Variants in PDE4B observed in about 807,000 individuals in gnomAD.
PDE4B encodes the protein phosphodiesterase 4B, also known as 3',5'-cyclic-AMP phosphodiesterase 4B.
PDE4B carries 20 observed loss-of-function variants against 82.2 expected under a neutral mutation model. That is an observed-to-expected ratio of 0.24 (90% CI 0.17 to 0.35). The LOEUF is 0.35. PDE4B is among the 10% of genes least tolerant of loss of function. PDE4B has a pLI of 1.00. For missense variants in PDE4B, 655 were observed against 907.2 expected, an observed-to-expected ratio of 0.72 and a Z score of 3.57; for synonymous variants, 320 against 318.9, an observed-to-expected ratio of 1.00 and a Z score of -0.04.
chr1:66,094,809 A>G (rs958371287), intron 3 of PDE4B, among the ~76,000 whole-genome samples: 1 of 151,974 alleles, frequency 6.6e-6, no homozygotes, highest in Non-Finnish European at 1.5e-5. Context: ...ATATTAGCAT[A>G]TTTTGTCCTC....
intron 3 of PDE4B, among the ~76,000 whole-genome samples, chr1:66,173,021 G>A (rs997332687): frequency 2.0e-5 from 3 of 152,162 alleles, no homozygotes; most frequent in African/African-American, 7.2e-5. Context: ...TTATAAATCA[G>A]CATGTTAAAA....
chr1:66,105,545 C>T (rs1039537762), intron 3 of PDE4B, among the ~76,000 whole-genome samples: 3 of 152,132 alleles, frequency 2.0e-5, no homozygotes, highest in Non-Finnish European at 2.9e-5. Flanking sequence ...TAGCCATTTT[C>T]ATGATGCTGA....
chr1:66,018,966 C>T (rs192773790), intron 3 of PDE4B, among the ~76,000 whole-genome samples: 101 of 152,146 alleles, frequency 6.6e-4, no homozygotes, highest in African/African-American at 2.3e-3. Context: ...GAATGAAATA[C>T]CTTATATCTT....
chr1:65,977,824 T>C (rs1005087069), intron 3 of PDE4B, among the ~76,000 whole-genome samples: 2 of 152,158 alleles, frequency 1.3e-5, no homozygotes, highest in African/African-American at 4.8e-5. Context: ...GCACAAATGG[T>C]AATCCAGCAG....
chr1:66,095,918 T>C (rs1398143394), intron 3 of PDE4B, among the ~76,000 whole-genome samples: 1 of 151,898 alleles, frequency 6.6e-6, no homozygotes, highest in African/African-American at 2.4e-5. Context: ...CTATTGTAAA[T>C]GTTTATGGGC....
chr1:65,845,300 A>G (rs1398959450), intron 1 of PDE4B, among the ~76,000 whole-genome samples: 1 of 152,110 alleles, frequency 6.6e-6, no homozygotes, highest in Non-Finnish European at 1.5e-5. Flanking sequence ...AAATGCCTTT[A>G]TTTTTCCAAT....
intron 8 of PDE4B, among the ~76,000 whole-genome samples, chr1:66,342,354 AAGTG>A (rs1661051151): frequency 6.6e-6 from 1 of 152,218 alleles, no homozygotes; most frequent in Middle Eastern, 3.4e-3. Context: ...TCGAATTCTT[AAGTG>A]AGTAAGAAAG....
At chr1:66,350,336 A>G (rs931082638) in intron 8 of PDE4B, among the ~76,000 whole-genome samples, 1 of 152,042 alleles carries the variant, frequency 6.6e-6, no homozygotes, top group African/African-American at 2.4e-5. Context: ...GGCCACCCAC[A>G]AGAGTAACTA....
rs1663193029 is a variant in PDE4B, at chr1:66,365,720, T to C, written c.1338T>C (p.His446=). Residue 446 remains histidine (H), a synonymous_variant, in exon 13 of 17, where the codon CAT becomes CAC. Coordinates refer to ENST00000341517, the MANE Select transcript of PDE4B (RefSeq NM_002600.4). Reference sequence around the variant, plus strand: ...CTGCCATTTTTGCAGCTGCCATCCATGACGTTGATCATCCTGGAGTCTCCA... The same window carrying C: ...CTGCCATTTTTGCAGCTGCCATCCACGACGTTGATCATCCTGGAGTCTCCA... ...ILAAIFAAAI[H]DVDHPGVSNQ... is the part of the protein sequence containing the mutation. 2 of 1,609,874 alleles carry C rather than the reference T, an allele frequency of 1.2e-6. No individual in the cohort carries two copies.
chr1:65,835,980 C>T lies in PDE4B; in HGVS notation c.-71+42732C>T, dbSNP rs149993753. 5.0e-3 allele frequency among the ~76,000 whole-genome samples: 756 copies of T among 151,444 alleles called. 6 individuals carry two copies. Among genetic ancestry groups the T allele is most frequent in the African/African-American group, 0.016 (650 of 41,274 alleles). On this transcript the variant is annotated intron_variant, in intron 1 of 16. Transcript: ENST00000341517. ...TTCCGAGATGGAGTCTTGGTCTTGT[C>T]GCCCAGGCTGGAGTGCAATGGAATG...
At chr1:66,195,144 C>T (rs1375278417) in intron 3 of PDE4B, among the ~76,000 whole-genome samples, 1 of 152,114 alleles carries the variant, frequency 6.6e-6, no homozygotes, top group Non-Finnish European at 1.5e-5. Flanking sequence ...AATGCTTAGA[C>T]TCTTTTGAGC....
intron 3 of PDE4B, among the ~76,000 whole-genome samples, chr1:66,096,508 T>TATATATA (rs59931848): frequency 3.7e-5 from 4 of 107,318 alleles, no homozygotes; most frequent in East Asian, 3.1e-4. Flanking sequence ...GTAAAAAAAA[T>TATATATA]TATATATATA....
At chr1:66,295,839 C>A (rs138283433) in intron 7 of PDE4B, among the ~76,000 whole-genome samples, 57 of 152,212 alleles carry the variant, frequency 3.7e-4, no homozygotes, top group Non-Finnish European at 5.1e-4. Context: ...TCTGCAGCAC[C>A]CTCTAAACAC....
At chr1:66,033,989 C>G (rs545045981) in intron 3 of PDE4B, among the ~76,000 whole-genome samples, 9 of 152,274 alleles carry the variant, frequency 5.9e-5, no homozygotes, top group African/African-American at 2.2e-4. Context: ...CTATCCTGAA[C>G]GTGTCTTCTC....
intron 3 of PDE4B, among the ~76,000 whole-genome samples, chr1:66,012,478 G>C (rs962090816): frequency 6.6e-6 from 1 of 152,004 alleles, no homozygotes; most frequent in African/African-American, 2.4e-5. Flanking sequence ...AATAACACTT[G>C]AGTTTAATGG....
chr1:66,316,081 A>T (rs907720478), intron 7 of PDE4B, among the ~76,000 whole-genome samples: 4 of 152,240 alleles, frequency 2.6e-5, no homozygotes, highest in African/African-American at 9.6e-5. Context: ...AAATCCAGTC[A>T]GAGTGTAGCA....
chr1:66,098,070 A>G (rs1243711057), intron 3 of PDE4B, among the ~76,000 whole-genome samples: 1 of 152,084 alleles, frequency 6.6e-6, no homozygotes, highest in Non-Finnish European at 1.5e-5. Context: ...TGCTTGGTAG[A>G]AACATGAATT....
intron 3 of PDE4B, among the ~76,000 whole-genome samples, chr1:66,043,753 C>T (rs760716355): frequency 6.6e-6 from 1 of 151,772 alleles, no homozygotes; most frequent in South Asian, 2.1e-4. Flanking sequence ...TTTGACCTAA[C>T]AGTCAGCAAA....
intron 2 of PDE4B, among the ~76,000 whole-genome samples, chr1:65,918,378 C>A (rs1050643434): frequency 1.3e-5 from 2 of 152,156 alleles, no homozygotes; most frequent in Non-Finnish European, 2.9e-5. Context: ...CTAAAAATCT[C>A]CAGGAATATG....
Sources: gnomAD v4.1 joint callset for allele counts (sites outside exome capture counted in the v4.1 genomes callset) on GRCh38, gnomAD v4.1.1 for gene constraint, MANE v1.5 for transcripts, NCBI Gene and HGNC (gene_info 2026-07-23, HGNC 2026-07-21) for gene names.